SLC8A1: variants seen among roughly 807,000 people sequenced by gnomAD.
SLC8A1 encodes the protein solute carrier family 8 member A1.
In SLC8A1, 18 loss-of-function variants were observed where a neutral mutation model predicts 68.3. The observed-to-expected ratio is 0.26, with a 90% confidence interval of 0.18 to 0.39. SLC8A1 has a LOEUF of 0.39. Ranked by LOEUF, SLC8A1 falls within the 10% of genes least tolerant of loss-of-function variation. SLC8A1 has a pLI of 1.00. For synonymous variants in SLC8A1, 475 were observed against 415.5 expected (o/e 1.14, Z -1.74); for missense variants, 985 against 1,156.7 (o/e 0.85, Z 2.15).
At chr2:40,168,065 T>G (rs2046845311) in intron 4 of SLC8A1, among the ~76,000 whole-genome samples, 1 of 152,182 alleles carries the variant, frequency 6.6e-6, no homozygotes, top group South Asian at 2.1e-4. Context: ...GGATCATTTT[T>G]TCATTGAGCA....
chr2:40,198,474 T>TCCC (rs2053514651), intron 2 of SLC8A1, among the ~76,000 whole-genome samples: 1 of 151,986 alleles, frequency 6.6e-6, no homozygotes, highest in African/African-American at 2.4e-5. Flanking sequence ...TCATATCACT[T>TCCC]CTATAAAATA....
chr2:40,167,556 A>C (rs1244165887), intron 4 of SLC8A1, among the ~76,000 whole-genome samples: 1 of 152,228 alleles, frequency 6.6e-6, no homozygotes, highest in Non-Finnish European at 1.5e-5. Context: ...AACTTATTTC[A>C]TACTAACCTA....
intron 2 of SLC8A1, among the ~76,000 whole-genome samples, chr2:40,282,639 G>T (rs150287418): frequency 6.6e-6 from 1 of 152,276 alleles, no homozygotes; most frequent in East Asian, 1.9e-4. Context: ...GCTCCGTTTA[G>T]TACCGAAATA....
intron 2 of SLC8A1, among the ~76,000 whole-genome samples, chr2:40,326,272 G>C (rs2075815800): frequency 6.6e-6 from 1 of 152,050 alleles, no homozygotes; most frequent in African/African-American, 2.4e-5. Context: ...ACTTGTCTTT[G>C]CCTGTGCTGC....
chr2:40,424,969 T>C (rs1217419202), intron 2 of SLC8A1, among the ~76,000 whole-genome samples: 1 of 151,822 alleles, frequency 6.6e-6, no homozygotes, highest in Non-Finnish European at 1.5e-5. Flanking sequence ...AGAACAATCA[T>C]TAACAGCACT....
chr2:40,402,458 C>G (rs1428947482), intron 2 of SLC8A1, among the ~76,000 whole-genome samples: 1 of 152,158 alleles, frequency 6.6e-6, no homozygotes, highest in East Asian at 1.9e-4. Flanking sequence ...TCTTTTATTC[C>G]TTTACTTTCT....
intron 2 of SLC8A1, among the ~76,000 whole-genome samples, chr2:40,400,688 A>T (rs1341387088): frequency 6.6e-6 from 1 of 152,138 alleles, no homozygotes; most frequent in Non-Finnish European, 1.5e-5. Flanking sequence ...ATGAGGTGGG[A>T]GGGACAGAGA....
At chr2:40,409,076 C>A (rs1433748780) in intron 2 of SLC8A1, among the ~76,000 whole-genome samples, 1 of 152,042 alleles carries the variant, frequency 6.6e-6, no homozygotes, top group East Asian at 1.9e-4. Flanking sequence ...TCAAGACAGA[C>A]CTGTAAAGTG....
intron 2 of SLC8A1, among the ~76,000 whole-genome samples, chr2:40,339,808 C>T (rs1443398331): frequency 6.6e-6 from 1 of 152,144 alleles, no homozygotes; most frequent in East Asian, 1.9e-4. Flanking sequence ...GAAAGACAGA[C>T]AGAAGTTACT....
intron 2 of SLC8A1, among the ~76,000 whole-genome samples, chr2:40,378,990 G>C (rs984926060): frequency 1.8e-4 from 28 of 152,132 alleles, no homozygotes; most frequent in African/African-American, 6.0e-4. Context: ...TCACTGTTTT[G>C]TTCCCAGACT....
intron 2 of SLC8A1, among the ~76,000 whole-genome samples, chr2:40,342,133 T>A (rs1238583870): frequency 2.0e-5 from 3 of 152,130 alleles, no homozygotes; most frequent in Non-Finnish European, 2.9e-5. Context: ...GAAATTTGCC[T>A]GGTAGAGATA....
intron 2 of SLC8A1, among the ~76,000 whole-genome samples, chr2:40,410,809 A>G (rs928645601): frequency 2.6e-5 from 4 of 152,040 alleles, no homozygotes; most frequent in African/African-American, 7.2e-5. Flanking sequence ...ATTTTCACAT[A>G]CCTTATCTTG....
intron 1 of SLC8A1, among the ~76,000 whole-genome samples, chr2:40,440,222 T>C (rs1003037676): frequency 2.0e-5 from 3 of 152,152 alleles, no homozygotes; most frequent in African/African-American, 7.2e-5. Context: ...TGGTATGGTT[T>C]TAACGTTAGT....
At chr2:40,233,399 G>GCA (rs1180028769) in intron 2 of SLC8A1, among the ~76,000 whole-genome samples, 138 of 150,872 alleles carry the variant, frequency 9.1e-4, no homozygotes, top group Non-Finnish European at 1.9e-3. Context: ...GTCTTCTTTT[G>GCA]AGAAGTGTCT....
intron 1 of SLC8A1, among the ~76,000 whole-genome samples, chr2:40,448,727 T>A (rs1038364899): frequency 6.6e-6 from 1 of 152,096 alleles, no homozygotes; most frequent in Non-Finnish European, 1.5e-5. Flanking sequence ...GTAGGGGTTA[T>A]GATGAGGGGT....
intron 1 of SLC8A1, among the ~76,000 whole-genome samples, chr2:40,508,771 T>C (rs922837058): frequency 6.6e-6 from 1 of 152,226 alleles, no homozygotes; most frequent in African/African-American, 2.4e-5. Context: ...AGCTGTGGTT[T>C]TGTTAACTCC....
At chr2:40,470,820 T>C (rs1703951084) in intron 1 of SLC8A1, among the ~76,000 whole-genome samples, 1 of 152,098 alleles carries the variant, frequency 6.6e-6, no homozygotes, top group African/African-American at 2.4e-5. Context: ...TTTTATCTTT[T>C]ATAATTAGGG....
At chr2:40,483,039 C>A (rs868533265) in intron 1 of SLC8A1, among the ~76,000 whole-genome samples, 1 of 150,756 alleles carries the variant, frequency 6.6e-6, no homozygotes, top group Non-Finnish European at 1.5e-5. Flanking sequence ...CTCCTCACCT[C>A]GTGATCCGCC....
chr2:40,266,966 T>G (rs2065435531), intron 2 of SLC8A1, among the ~76,000 whole-genome samples: 1 of 152,156 alleles, frequency 6.6e-6, no homozygotes, highest in South Asian at 2.1e-4. Flanking sequence ...TAGAACTGGA[T>G]GTACAGGTAA....
Sources: gnomAD v4.1 joint callset for allele counts (sites outside exome capture counted in the v4.1 genomes callset) on GRCh38, gnomAD v4.1.1 for gene constraint, MANE v1.5 for transcripts, NCBI Gene and HGNC (gene_info 2026-07-23, HGNC 2026-07-21) for gene names.